ZDHHC21: variants seen among roughly 807,000 people sequenced by gnomAD.
ZDHHC21 encodes palmitoyltransferase ZDHHC21.
A neutral mutation model predicts 34.6 loss-of-function variants in ZDHHC21; 15 were observed. That is an observed-to-expected ratio of 0.43 (90% confidence interval 0.29 to 0.67). The LOEUF is 0.67. ZDHHC21 is among the 30% of genes least tolerant of loss of function. ZDHHC21 has a pLI of 0.14. For synonymous variants in ZDHHC21, 142 were observed against 101.8 expected, an observed-to-expected ratio of 1.40 and a Z score of -2.38; for missense variants, 344 against 327.7, an observed-to-expected ratio of 1.05 and a Z score of -0.38.
intron 2 of ZDHHC21, among the ~76,000 whole-genome samples, chr9:14,689,030 G>C (rs968285902): frequency 6.6e-6 from 1 of 152,134 alleles, no homozygotes; most frequent in South Asian, 2.1e-4. Flanking sequence ...CTGGTCAACA[G>C]AGTGAGATCC....
intron 2 of ZDHHC21, among the ~76,000 whole-genome samples, chr9:14,686,880 C>T (rs1017298477): frequency 2.7e-5 from 4 of 149,366 alleles, no homozygotes; most frequent in Non-Finnish European, 5.9e-5. Context: ...GGTTAAGGCA[C>T]GAGAATCGTT....
chr9:14,589,199 C>G, the ZDHHC21 span: 2 of 152,030 alleles, frequency 1.3e-5, no homozygotes, highest in Non-Finnish European at 2.9e-5. Context: ...CTCAAACTGC[C>G]AGAGATAAAC....
intron 8 of ZDHHC21, chr9:14,622,559 T>A (rs2133460008): frequency 2.0e-6 from 2 of 985,282 alleles, no homozygotes; most frequent in South Asian, 9.4e-5. Context: ...CCAGTCCTCT[T>A]GGCATAGAGC....
chr9:14,672,602 G>C (rs1835668094), intron 5 of ZDHHC21, among the ~76,000 whole-genome samples: 1 of 152,008 alleles, frequency 6.6e-6, no homozygotes. Flanking sequence ...AGGATCATAT[G>C]ATATGTGATA....
chr9:14,692,729 A>G (rs1215061882), intron 1 of ZDHHC21, among the ~76,000 whole-genome samples: 5 of 152,156 alleles, frequency 3.3e-5, no homozygotes, highest in African/African-American at 1.2e-4. Flanking sequence ...GAGAAGGTCA[A>G]TAAAGGAGCA....
Position 14,650,441 on chromosome 9 carries a change from C to CATTT in ZDHHC21, c.504+8307_504+8308insAAAT, listed in dbSNP as rs1163534884. On this transcript the variant is annotated intron_variant, in intron 7 of 9. Transcript: ENST00000380916. ...CTATTCTTTCCAAAAATCTAAAAAG[C>CATTT]TAAATGTGTATTTTAGCAATTTTTT... Among the ~76,000 whole-genome samples, 15 of 151,806 alleles carry CATTT rather than the reference C, an allele frequency of 9.9e-5. 1 individual carries two copies. Among genetic ancestry groups the CATTT allele is most frequent in the Admixed American group, 1.3e-4 (2 of 15,220 alleles).
intron 8 of ZDHHC21, among the ~76,000 whole-genome samples, chr9:14,634,182 C>A (rs1827858669): frequency 6.6e-6 from 1 of 152,176 alleles, no homozygotes; most frequent in South Asian, 2.1e-4. Context: ...CTGGCACCCA[C>A]ACATGCCACC....
intron 2 of ZDHHC21, among the ~76,000 whole-genome samples, chr9:14,681,730 G>GGTTGTGT (rs1837410860): frequency 6.7e-6 from 1 of 148,468 alleles, no homozygotes; most frequent in African/African-American, 2.5e-5. Flanking sequence ...TAAGGGGAAT[G>GGTTGTGT]GTGTGTGTGT....
At chr9:14,656,943 C>A (rs372511720) in intron 7 of ZDHHC21, among the ~76,000 whole-genome samples, 1 of 151,912 alleles carries the variant, frequency 6.6e-6, no homozygotes, top group Non-Finnish European at 1.5e-5. Context: ...TCTTAATAAA[C>A]ATTTACTATG....
intron 7 of ZDHHC21, among the ~76,000 whole-genome samples, chr9:14,653,939 T>C (rs1042255893): frequency 6.6e-6 from 1 of 152,020 alleles, no homozygotes; most frequent in East Asian, 1.9e-4. Context: ...TACTGGCAAG[T>C]AGCCAAACTC....
chr9:14,629,651 T>C (rs1310510023), intron 8 of ZDHHC21, among the ~76,000 whole-genome samples: 2 of 152,194 alleles, frequency 1.3e-5, no homozygotes, highest in African/African-American at 4.8e-5. Flanking sequence ...AATGATCATT[T>C]GAACCTTCAG....
At chr9:14,639,365 T>C (rs1034184603) in intron 8 of ZDHHC21, among the ~76,000 whole-genome samples, 1 of 151,948 alleles carries the variant, frequency 6.6e-6, no homozygotes, top group South Asian at 2.1e-4. Flanking sequence ...AAAGGGTGCA[T>C]GGGTGGAGCG....
At chr9:14,625,053 C>T (rs1251643501) in intron 8 of ZDHHC21, among the ~76,000 whole-genome samples, 2 of 152,026 alleles carry the variant, frequency 1.3e-5, no homozygotes, top group Non-Finnish European at 2.9e-5. Flanking sequence ...TTTCATTTCA[C>T]TTCTTAGCAC....
At chr9:14,686,724 G>A (rs1242143717) in intron 2 of ZDHHC21, among the ~76,000 whole-genome samples, 1 of 151,976 alleles carries the variant, frequency 6.6e-6, no homozygotes, top group Non-Finnish European at 1.5e-5. Context: ...TGTAATCCCA[G>A]CACTTTGGGA....
intron 8 of ZDHHC21, 105 bp downstream of exon 8, chr9:14,639,791 G>A (rs111322559): frequency 1.7e-5 from 10 of 600,632 alleles, no homozygotes; most frequent in African/African-American, 1.3e-4. Flanking sequence ...AAAAGCATGG[G>A]TAATTTTCTC....
chr9:14,679,976 A>T (rs965989170), intron 3 of ZDHHC21, 57 bp downstream of exon 3: 2 of 152,578 alleles, frequency 1.3e-5, no homozygotes, highest in African/African-American at 4.8e-5. Context: ...GACTCCAAGG[A>T]TACTATGGCC....
chr9:14,636,439 A>G (rs1394398064), intron 8 of ZDHHC21, among the ~76,000 whole-genome samples: 3 of 152,212 alleles, frequency 2.0e-5, no homozygotes, highest in African/African-American at 4.8e-5. Flanking sequence ...AGGGAAAGAT[A>G]GACTCTAATA....
chr9:14,686,468 A>G (rs1838339078), intron 2 of ZDHHC21, among the ~76,000 whole-genome samples: 1 of 152,208 alleles, frequency 6.6e-6, no homozygotes, highest in African/African-American at 2.4e-5. Context: ...AATACTGAGA[A>G]TGTAAAAAAT....
the ZDHHC21 span, chr9:14,593,792 G>C: frequency 2.0e-5 from 3 of 152,614 alleles, no homozygotes; most frequent in Non-Finnish European, 2.9e-5. Flanking sequence ...ATTCAAGAGA[G>C]ATGACCCAGG....
Sources: gnomAD v4.1 joint callset for allele counts (sites outside exome capture counted in the v4.1 genomes callset) on GRCh38, gnomAD v4.1.1 for gene constraint, MANE v1.5 for transcripts, NCBI Gene and HGNC (gene_info 2026-07-23, HGNC 2026-07-21) for gene names.